RPL6: variants seen among roughly 807,000 people sequenced by gnomAD.
RPL6 encodes large ribosomal subunit protein eL6.
Under a neutral mutation model 32.1 loss-of-function variants are expected in RPL6, and 1 was observed. That is an observed-to-expected ratio of 0.03 (90% CI 0.01 to 0.15). The LOEUF (loss-of-function observed/expected upper bound fraction) is 0.15. RPL6 is among the 10% of genes least tolerant of loss of function. RPL6 has a pLI of 1.00. For missense variants in RPL6, 275 were observed against 354.6 expected (o/e 0.78, Z 1.80); for synonymous variants, 126 against 131.6 (o/e 0.96, Z 0.29).
At chr12:112,410,436 G>A (rs2037322556), upstream of RPL6, 1 of 175,540 alleles carries the variant, frequency 5.7e-6, no homozygotes, top group Non-Finnish European at 1.2e-5. Context: ...ATTAAAGTGA[G>A]GATAACAATA....
At chr12:112,417,718 C>T (rs974379430) in intron 1 of RPL6, among the ~76,000 whole-genome samples, 2 of 151,374 alleles carry the variant, frequency 1.3e-5, no homozygotes, top group African/African-American at 2.4e-5. Context: ...AGTGCAGTGG[C>T]GCGATCTCGG....
At chr12:112,409,524 T>G in intron 1 of RPL6, 63 bp downstream of exon 1, 1 of 398,554 alleles carries the variant, frequency 2.5e-6, no homozygotes, top group Non-Finnish European at 4.4e-6. Flanking sequence ...GCCCTCCAGG[T>G]TCGGATGGCG....
At chr12:112,417,543 C>G (rs1481747320) in intron 1 of RPL6, among the ~76,000 whole-genome samples, 2 of 146,182 alleles carry the variant, frequency 1.4e-5, no homozygotes, top group African/African-American at 2.6e-5. Context: ...GTAATACTTC[C>G]GTACCACCCG....
rs1341434643 is a variant in RPL6 at position 112,408,574 on chromosome 12, T to C, written c.83A>G (p.Lys28Arg). ...CTTTTTAGCTTTGAGGTTACCCTTT[T>C]TCACCTTGCCACCAGCATCAACCTT... ...AKKVDAGGKV[K>R]KGNLKAKKPK... The change falls in exon 2 of 7, where the codon AAA becomes AGA. Residue 28 changes from lysine to arginine, a missense_variant. Coordinates refer to ENST00000202773, the MANE Select transcript of RPL6 (RefSeq NM_000970.6). 6.2e-7 allele frequency: 1 copy of C among 1,603,962 alleles called. No individual in the cohort carries two copies. Among genetic ancestry groups the C allele is most frequent in the Non-Finnish European group, 8.5e-7 (1 of 1,179,124 alleles).
intron 1 of RPL6, among the ~76,000 whole-genome samples, chr12:112,416,400 A>G (rs1245280473): frequency 6.6e-6 from 1 of 151,850 alleles, no homozygotes; most frequent in African/African-American, 2.4e-5. Flanking sequence ...CAGCCTCCCA[A>G]AGTGCTGGGA....
intron 1 of RPL6, 23 bp downstream of exon 1, chr12:112,409,564 G>A: frequency 2.5e-6 from 1 of 398,626 alleles, no homozygotes; most frequent in Non-Finnish European, 4.4e-6. Context: ...CTCAAGTCTT[G>A]CAGACAGGCC....
intron 1 of RPL6, among the ~76,000 whole-genome samples, chr12:112,416,721 C>T (rs1435556966): frequency 6.6e-6 from 1 of 152,110 alleles, no homozygotes; most frequent in African/African-American, 2.4e-5. Flanking sequence ...GAGTGACCCG[C>T]CTAGTTTTGT....
At chr12:112,406,136 C>G (rs2037158912) in intron 5 of RPL6, 99 bp from the exon 6 acceptor site, 1 of 1,265,648 alleles carries the variant, frequency 7.9e-7, no homozygotes, top group South Asian at 1.4e-5. Context: ...CAAAGAAGAC[C>G]ACTTGTCTAA....
chr12:112,414,918 C>CA (rs1047232089), upstream of RPL6, among the ~76,000 whole-genome samples: 4 of 150,202 alleles, frequency 2.7e-5, no homozygotes, highest in Admixed American at 6.7e-5. Context: ...AAAAACAAAA[C>CA]AAAAAAAACC....
At chr12:112,410,854 C>G (rs376111385), upstream of RPL6, among the ~76,000 whole-genome samples, 38 of 152,172 alleles carry the variant, frequency 2.5e-4, no homozygotes, top group African/African-American at 9.2e-4. Context: ...GGATTACAGG[C>G]GTGAGCCACC....
In RPL6 at chr12:112,405,976, A is replaced by G. The variant is rs17851812; in HGVS notation, c.591T>C (p.Thr197=). ...RRTHQKFVIA[T]STKIDISNVK... ...CATTGCTGATATCGATTTTGGTTGA[A>G]GTGGCAATGACAAATTTCTGGTGTG... The change falls in exon 6 of 7, where the codon ACT becomes ACC. Residue 197 remains threonine (T), a synonymous_variant. Transcript: ENST00000202773. 3.5e-5 allele frequency: 57 copies of G among 1,614,148 alleles called. No homozygotes were observed. In the African/African-American group the frequency reaches 7.2e-4, roughly 20 times the overall value.
At chr12:112,415,641 G>A (rs561763165) in intron 1 of RPL6, among the ~76,000 whole-genome samples, 1 of 152,158 alleles carries the variant, frequency 6.6e-6, no homozygotes, top group East Asian at 1.9e-4. Context: ...GCTTGAATCT[G>A]GGAGGTGGAG....
Position 112,406,833 on chromosome 12 carries a change from G to A in RPL6, c.394C>T (p.Pro132Ser), listed in dbSNP as rs1285735385. The change falls in exon 4 of 7, where the codon CCC (proline) becomes TCC (serine). Residue 132 changes from proline (P) to serine (S), a missense_variant. Transcript: ENST00000202773. The stretch of plus-strand genomic sequence containing the variant: ...AGTTTTCTCACGTGCTGACTGAAGG[G>A]TTTTTTGCCGTGGCTCAACAGCTTT... The part of the protein sequence containing the change: ...PRKLLSHGKK[P>S]FSQHVRKLRA... The A allele has an allele frequency of 2.5e-6, 4 of 1,614,088 alleles. No individual in the cohort carries two copies. The highest frequency in any genetic ancestry group is 3.4e-6 in the Non-Finnish European group (4 of 1,180,042).
chr12:112,409,690 T>A (rs2135804759), upstream of RPL6: 1 of 393,006 alleles, frequency 2.5e-6, no homozygotes, highest in South Asian at 1.4e-4. Flanking sequence ...TCATGGGGAA[T>A]GTAGTATTTC....
chr12:112,408,521 G>A lies in RPL6; in HGVS notation c.136C>T (p.Arg46Cys), dbSNP rs2037251258. 4 of 1,612,592 alleles carry A rather than the reference G, an allele frequency of 2.5e-6. No individual in the cohort carries two copies. Among genetic ancestry groups the A allele is most frequent in the Non-Finnish European group, 3.4e-6 (4 of 1,179,940 alleles). The change falls in exon 2 of 7, where the codon CGC becomes TGC. Residue 46 changes from arginine (R) to cysteine (C), a missense_variant. Transcript: ENST00000202773. ...KPKKGKPHCS[R>C]NPVLVRGIGR... Reference sequence around the variant, plus strand: ...ATTCCTCTGACAAGGACAGGGTTGCGGCTGCAATGGGGCTTCCCCTTCTTG... The same window carrying A: ...ATTCCTCTGACAAGGACAGGGTTGCAGCTGCAATGGGGCTTCCCCTTCTTG...
rs147032446 is a variant in RPL6 at position 112,409,285 on chromosome 12, C to T, written c.-1+302G>A. On this transcript the variant is annotated intron_variant, in intron 1 of 6. Coordinates refer to ENST00000202773, the MANE Select transcript of RPL6 (RefSeq NM_000970.6). ...GGAACCCAGGACCAGGAACACAGTGCACGCGCCGTCTCCCCGCTTCCTCTA... is the reference window on the plus strand; with the variant it reads ...GGAACCCAGGACCAGGAACACAGTGTACGCGCCGTCTCCCCGCTTCCTCTA... The T allele has an allele frequency of 3.6e-4, 139 of 391,090 alleles. No homozygotes were observed. The Middle Eastern group carries it at 6.4e-3, about 18-fold the overall frequency. The allele number at this position is 391,090 out of a possible 1,614,324, so 24.2% of individuals were successfully genotyped here.
intron 4 of RPL6, 86 bp from the exon 5 acceptor site, chr12:112,406,428 T>G (rs1198979322): frequency 8.1e-7 from 1 of 1,238,500 alleles, no homozygotes; most frequent in Non-Finnish European, 1.2e-6. Context: ...TAAATTTGGG[T>G]AAAGGAAATT....
intron 1 of RPL6, among the ~76,000 whole-genome samples, chr12:112,417,608 T>C (rs1298343839): frequency 7.6e-6 from 1 of 132,084 alleles, no homozygotes; most frequent in Non-Finnish European, 1.5e-5. Context: ...GGTCGCACCA[T>C]GTTGCCCAGG....
At chr12:112,409,389 C>A (rs982499780) in intron 1 of RPL6, 198 bp downstream of exon 1, 1 of 397,938 alleles carries the variant, frequency 2.5e-6, no homozygotes, top group Non-Finnish European at 4.4e-6. Flanking sequence ...CCGGAGGGAG[C>A]CACTACGGCA....
Sources: gnomAD v4.1 joint callset for allele counts (sites outside exome capture counted in the v4.1 genomes callset) on GRCh38, gnomAD v4.1.1 for gene constraint, MANE v1.5 for transcripts, NCBI Gene and HGNC (gene_info 2026-07-23, HGNC 2026-07-21) for gene names.